The following TTC28 variants were observed in gnomAD, a reference collection of about 807,000 sequenced individuals.
TTC28 encodes the protein tetratricopeptide repeat domain 28.
Under a neutral mutation model 198.0 loss-of-function variants are expected in TTC28, and 61 were observed. The ratio of observed to expected loss-of-function variants is 0.31; its 90% CI spans 0.25 to 0.38. TTC28 has a LOEUF of 0.38. TTC28 is among the 10% of genes least tolerant of loss of function. TTC28 has a pLI of 1.00. For missense variants in TTC28, 2,678 were observed against 3,164.0 expected (o/e 0.85, Z 3.69); for synonymous variants, 1,171 against 1,297.8 (o/e 0.90, Z 2.10).
At chr22:28,211,391 T>G (rs1926945620) in intron 5 of TTC28, among the ~76,000 whole-genome samples, 2 of 152,032 alleles carry the variant, frequency 1.3e-5, no homozygotes, top group Non-Finnish European at 2.9e-5. Flanking sequence ...GAGACCCATC[T>G]CACATGCAGA....
At chr22:28,060,869 T>C (rs1436306195) in intron 12 of TTC28, among the ~76,000 whole-genome samples, 1 of 152,208 alleles carries the variant, frequency 6.6e-6, no homozygotes, top group Non-Finnish European at 1.5e-5. Flanking sequence ...CTCCACATCC[T>C]CTCCAGCACC....
chr22:28,043,524 T>C (rs1939747778), intron 12 of TTC28, among the ~76,000 whole-genome samples: 1 of 151,974 alleles, frequency 6.6e-6, no homozygotes, highest in Admixed American at 6.6e-5. Context: ...AGTTTGCACC[T>C]CCAGCTGCAA....
At chr22:28,387,487 A>G (rs1015593690) in intron 2 of TTC28, among the ~76,000 whole-genome samples, 35 of 152,170 alleles carry the variant, frequency 2.3e-4, no homozygotes, top group African/African-American at 7.2e-4. Flanking sequence ...CTACTTCTCC[A>G]CATCCTCTCC....
chr22:28,513,162 T>C (rs2048717067), intron 2 of TTC28, among the ~76,000 whole-genome samples: 1 of 152,032 alleles, frequency 6.6e-6, no homozygotes, highest in Non-Finnish European at 1.5e-5. Context: ...AATTTTTTAA[T>C]ACTCATACTG....
At chr22:28,464,433 T>C (rs1007007550) in intron 2 of TTC28, among the ~76,000 whole-genome samples, 1 of 152,226 alleles carries the variant, frequency 6.6e-6, no homozygotes, top group African/African-American at 2.4e-5. Flanking sequence ...CCCATAAGAC[T>C]AGTGAGGAAG....
At chr22:28,030,701 G>C (rs916094675) in intron 12 of TTC28, among the ~76,000 whole-genome samples, 3 of 152,242 alleles carry the variant, frequency 2.0e-5, no homozygotes, top group African/African-American at 7.2e-5. Flanking sequence ...GGTGCTGTCT[G>C]TGATGGGCTG....
chr22:28,087,808 G>T (rs1271495134), intron 12 of TTC28, among the ~76,000 whole-genome samples: 3 of 152,098 alleles, frequency 2.0e-5, no homozygotes, highest in Non-Finnish European at 4.4e-5. Flanking sequence ...AGCAACTTCA[G>T]CAAAGTCTCA....
intron 2 of TTC28, among the ~76,000 whole-genome samples, chr22:28,496,844 AC>A (rs2048461996): frequency 6.6e-6 from 1 of 152,126 alleles, no homozygotes; most frequent in African/African-American, 2.4e-5. Context: ...ATAAGGTCTT[AC>A]CCAGTCTAAC....
intron 5 of TTC28, among the ~76,000 whole-genome samples, chr22:28,199,252 G>T (rs2147147863): frequency 6.6e-6 from 1 of 151,478 alleles, no homozygotes; most frequent in African/African-American, 2.4e-5. Context: ...TCATATTCTG[G>T]AATACTATGC....
chr22:28,584,411 C>A (rs1345536115), intron 2 of TTC28, among the ~76,000 whole-genome samples: 1 of 152,114 alleles, frequency 6.6e-6, no homozygotes, highest in Non-Finnish European at 1.5e-5. Context: ...TTTGTCCAAC[C>A]TAGCTAAATC....
chr22:28,308,175 A>G (rs2045183066), intron 2 of TTC28, among the ~76,000 whole-genome samples: 1 of 152,164 alleles, frequency 6.6e-6, no homozygotes, highest in Admixed American at 6.5e-5. Context: ...TTACTAATTC[A>G]TAGGATCACT....
chr22:28,633,319 A>T (rs112876654), intron 1 of TTC28, among the ~76,000 whole-genome samples: 2,962 of 150,988 alleles, frequency 0.02, 25 homozygotes, highest in Non-Finnish European at 0.027. Flanking sequence ...AAGAAAAAAA[A>T]TTTTTTTTTC....
chr22:28,579,089 C>CAT (rs1372178367), intron 2 of TTC28, among the ~76,000 whole-genome samples: 1 of 151,172 alleles, frequency 6.6e-6, no homozygotes, highest in Non-Finnish European at 1.5e-5. Context: ...TACATACATA[C>CAT]ATATAGCTAT....
intron 2 of TTC28, among the ~76,000 whole-genome samples, chr22:28,307,932 G>A (rs1461552552): frequency 6.6e-6 from 1 of 151,994 alleles, no homozygotes; most frequent in Non-Finnish European, 1.5e-5. Context: ...CATATACACA[G>A]AGAGTGAGAA....
At chr22:28,563,624 C>T (rs1351975932) in intron 2 of TTC28, among the ~76,000 whole-genome samples, 1 of 152,128 alleles carries the variant, frequency 6.6e-6, no homozygotes, top group African/African-American at 2.4e-5. Flanking sequence ...ACCTACTAGA[C>T]TGACTATAAT....
At chr22:28,574,987 C>G (rs1007941022) in intron 2 of TTC28, among the ~76,000 whole-genome samples, 3 of 152,172 alleles carry the variant, frequency 2.0e-5, no homozygotes, top group Non-Finnish European at 2.9e-5. Flanking sequence ...TGTCTCTTCA[C>G]TTTCTAGATT....
intron 21 of TTC28, among the ~76,000 whole-genome samples, chr22:27,987,774 G>A (rs1298307925): frequency 6.6e-6 from 1 of 152,200 alleles, no homozygotes; most frequent in African/African-American, 2.4e-5. Flanking sequence ...GCCCCCCAAG[G>A]CTTGCCCTAT....
intron 2 of TTC28, among the ~76,000 whole-genome samples, chr22:28,476,522 G>A (rs1601445622): frequency 6.6e-6 from 1 of 152,060 alleles, no homozygotes; most frequent in East Asian, 1.9e-4. Context: ...TTAAAATATT[G>A]CCAAACTATT....
At chr22:28,639,628 T>C (rs1413334615) in intron 1 of TTC28, among the ~76,000 whole-genome samples, 2 of 152,152 alleles carry the variant, frequency 1.3e-5, no homozygotes, top group Non-Finnish European at 2.9e-5. Flanking sequence ...GTTTTAAAAA[T>C]GGGAGTTTTT....
Sources: allele counts gnomAD v4.1 joint callset (sites outside exome capture counted in the v4.1 genomes callset), GRCh38; gene constraint gnomAD v4.1.1; transcripts MANE v1.5; gene names NCBI Gene and HGNC (gene_info 2026-07-23, HGNC 2026-07-21).